INVS: variants seen among roughly 807,000 people sequenced by gnomAD.
The protein encoded by INVS is inversin, also known as inversion of embryo turning homolog.
A neutral mutation model predicts 108.8 loss-of-function variants in INVS; 86 were observed. That is an observed-to-expected ratio of 0.79 (90% CI 0.66 to 0.95). The LOEUF (loss-of-function observed/expected upper bound fraction) is 0.95, where lower values mean the gene tolerates loss of function less well. INVS is among the 40% of genes least tolerant of loss of function. The pLI, the probability that INVS is intolerant of heterozygous loss-of-function variation, is 0.00. For synonymous variants in INVS, 455 were observed against 473.5 expected (o/e 0.96, Z 0.51); for missense variants, 1,169 against 1,297.4 (o/e 0.90, Z 1.52).
At chr9:100,244,508 T>C (rs1831981315) in intron 7 of INVS, among the ~76,000 whole-genome samples, 1 of 152,120 alleles carries the variant, frequency 6.6e-6, no homozygotes, top group Admixed American at 6.5e-5. Context: ...ATTAAATAGG[T>C]GTGCTAATGG....
At chr9:100,234,954 G>A (rs543833988) in intron 5 of INVS, among the ~76,000 whole-genome samples, 1 of 152,112 alleles carries the variant, frequency 6.6e-6, no homozygotes, top group Admixed American at 6.5e-5. Context: ...ATCTAATATT[G>A]ACAGTGGGGT....
chr9:100,128,945 A>G (rs956243223), intron 3 of INVS, among the ~76,000 whole-genome samples: 8 of 152,126 alleles, frequency 5.3e-5, no homozygotes, highest in African/African-American at 1.7e-4. Context: ...AGCACTTTAG[A>G]AAGGCCAGGC....
intron 3 of INVS, among the ~76,000 whole-genome samples, chr9:100,194,852 C>A (rs1030054358): frequency 6.6e-6 from 1 of 152,068 alleles, no homozygotes; most frequent in Non-Finnish European, 1.5e-5. Flanking sequence ...TGTGGCTGTG[C>A]CCCTGGTTGG....
chr9:100,109,963 G>A (rs1321783355), intron 2 of INVS, among the ~76,000 whole-genome samples: 6 of 152,152 alleles, frequency 3.9e-5, no homozygotes, highest in South Asian at 4.1e-4. Flanking sequence ...CACTGCGCCC[G>A]GCCTCTACTT....
At chr9:100,226,340 T>C in intron 4 of INVS, 105 bp downstream of exon 4, 2 of 873,140 alleles carry the variant, frequency 2.3e-6, no homozygotes, top group South Asian at 3.2e-5. Context: ...CATATATACA[T>C]GGTAGAACAA....
At chr9:100,175,547 C>T in intron 3 of INVS, 1 of 734,728 alleles carries the variant, frequency 1.4e-6, no homozygotes, top group Non-Finnish European at 2.5e-6. Context: ...ATCTTAGCTA[C>T]AAACAGGTTA....
chr9:100,174,020 T>A (rs1328602196), intron 3 of INVS, among the ~76,000 whole-genome samples: 1 of 152,248 alleles, frequency 6.6e-6, no homozygotes, highest in Non-Finnish European at 1.5e-5. Flanking sequence ...GAATCCAGAA[T>A]CTTTACAACA....
intron 2 of INVS, chr9:100,117,255 A>G (rs1279202443): frequency 1.3e-6 from 1 of 792,450 alleles, no homozygotes; most frequent in Admixed American, 1.9e-5. Context: ...ATAGCAACAA[A>G]CGCTTTGAAC....
Position 100,250,091 on chromosome 9 carries a change from T to G in INVS, c.1079-2192T>G, listed in dbSNP as rs1588121613. On this transcript the variant is annotated intron_variant, in intron 8 of 16. Transcript: ENST00000262457. The stretch of plus-strand genomic sequence containing the variant: ...CTGCACTCCAGCCTGGATGACAGAG[T>G]GAGACTCCATCTCAAAAAATAAAAT... Among the ~76,000 whole-genome samples, 4 of 152,036 alleles carry G rather than the reference T, an allele frequency of 2.6e-5. No homozygotes were observed. In the South Asian group the frequency reaches 8.3e-4, roughly 32 times the overall value.
intron 12 of INVS, among the ~76,000 whole-genome samples, chr9:100,274,263 CAGG>C: frequency 6.6e-6 from 1 of 151,960 alleles, no homozygotes; most frequent in South Asian, 2.1e-4. Flanking sequence ...GAGGCTGAGG[CAGG>C]AGAATTGTCT....
intron 12 of INVS, among the ~76,000 whole-genome samples, chr9:100,282,490 T>G (rs1242100082): frequency 6.6e-6 from 1 of 152,146 alleles, no homozygotes; most frequent in Non-Finnish European, 1.5e-5. Flanking sequence ...AGAAAGAGTT[T>G]CAGAAGGGGA....
chr9:100,125,180 T>C (rs1230440508), intron 2 of INVS, among the ~76,000 whole-genome samples: 1 of 152,208 alleles, frequency 6.6e-6, no homozygotes, highest in Admixed American at 6.5e-5. Flanking sequence ...TACTCTCTAA[T>C]TGGAAAGGGG....
chr9:100,163,952 A>G (rs1488062978), intron 3 of INVS, among the ~76,000 whole-genome samples: 1 of 152,224 alleles, frequency 6.6e-6, no homozygotes, highest in Non-Finnish European at 1.5e-5. Flanking sequence ...GATCTAGCTT[A>G]TATTTTGAAA....
intron 10 of INVS, among the ~76,000 whole-genome samples, chr9:100,263,821 C>G (rs1004655391): frequency 4.6e-5 from 7 of 152,054 alleles, no homozygotes; most frequent in African/African-American, 1.7e-4. Flanking sequence ...CTAACTCTGT[C>G]CTTGTTGGAT....
chr9:100,269,449 A>G (rs1186762242), intron 11 of INVS, among the ~76,000 whole-genome samples: 1 of 152,182 alleles, frequency 6.6e-6, no homozygotes, highest in East Asian at 1.9e-4. Context: ...GATGCCTCTC[A>G]GATGGTCCCT....
intron 2 of INVS, among the ~76,000 whole-genome samples, chr9:100,121,147 C>T (rs1227329918): frequency 6.6e-6 from 1 of 152,196 alleles, no homozygotes; most frequent in African/African-American, 2.4e-5. Flanking sequence ...CAAATCTCTA[C>T]AATTTCTACC....
intron 10 of INVS, among the ~76,000 whole-genome samples, chr9:100,264,584 C>T (rs1832725483): frequency 6.7e-6 from 1 of 149,574 alleles, no homozygotes; most frequent in Admixed American, 6.7e-5. Context: ...CACCATTGCA[C>T]TCCAGCCTGA....
intron 7 of INVS, among the ~76,000 whole-genome samples, chr9:100,243,051 T>A (rs1415082604): frequency 6.6e-6 from 1 of 152,254 alleles, no homozygotes; most frequent in Non-Finnish European, 1.5e-5. Context: ...GAGGTTTTTT[T>A]AAGTTGTTAG....
intron 12 of INVS, 99 bp from the exon 13 acceptor site, chr9:100,284,221 G>A (rs1833361931): frequency 7.2e-7 from 1 of 1,381,392 alleles, no homozygotes; most frequent in South Asian, 1.2e-5. Flanking sequence ...AATATCTCCT[G>A]TGATGTAGTA....
Sources: allele counts gnomAD v4.1 joint callset (sites outside exome capture counted in the v4.1 genomes callset), GRCh38; gene constraint gnomAD v4.1.1; transcripts MANE v1.5; gene names NCBI Gene and HGNC (gene_info 2026-07-23, HGNC 2026-07-21).